Variants in WASF3 observed in about 807,000 individuals in gnomAD.
WASF3 encodes the protein WASP family member 3.
A neutral mutation model predicts 46.6 loss-of-function variants in WASF3; 11 were observed. The observed-to-expected ratio is 0.24, with a 90% CI of 0.15 to 0.39. The LOEUF (loss-of-function observed/expected upper bound fraction) is 0.39. Ranked by LOEUF, WASF3 falls within the 10% of genes least tolerant of loss-of-function variation. The pLI, the probability that WASF3 is intolerant of heterozygous loss-of-function variation, is 1.00. For synonymous variants in WASF3, 242 were observed against 259.7 expected (o/e 0.93, Z 0.65); for missense variants, 576 against 669.8 (o/e 0.86, Z 1.55).
rs77390311 is a variant in WASF3 at position 26,620,124 on chromosome 13, T to C, written c.-11+7066T>C. 4.7e-4 allele frequency among the ~76,000 whole-genome samples: 72 copies of C among 152,298 alleles called. No individual in the cohort carries two copies. In the East Asian group the frequency reaches 0.013, roughly 27 times the overall value. On this transcript the variant is annotated intron_variant, in intron 2 of 9. Coordinates refer to ENST00000335327, the MANE Select transcript of WASF3 (RefSeq NM_006646.6). ...AATCTTTGATTGTAAAATAAAGTTA[T>C]GCTAGATCTCCAAGGTTCCATTTAT... is the stretch of plus-strand genomic sequence containing the variant.
chr13:26,662,158 C>T (rs1882649977), intron 3 of WASF3, among the ~76,000 whole-genome samples: 1 of 152,166 alleles, frequency 6.6e-6, no homozygotes, highest in Admixed American at 6.5e-5. Context: ...CAGATGTTGG[C>T]AATGCTGCAG....
In WASF3 at chr13:26,624,884, T is replaced by G. The variant is rs958562922; in HGVS notation, c.-11+11826T>G. 1.3e-5 allele frequency among the ~76,000 whole-genome samples: 2 copies of G among 152,078 alleles called. 1 individual carries two copies. ...CTCAAATCCTGTCGATGCATAATTC[T>G]ATACCCAGCAAAAATATATTTTTAA... On this transcript the variant is annotated intron_variant, in intron 2 of 9. Transcript: ENST00000335327.
chr13:26,662,824 C>T (rs541242432), intron 3 of WASF3, among the ~76,000 whole-genome samples: 10 of 151,952 alleles, frequency 6.6e-5, no homozygotes, highest in South Asian at 2.1e-4. Context: ...TTTAAAAAAC[C>T]GGGGAAAAAA....
At chr13:26,584,307 A>G (rs980388407) in intron 1 of WASF3, among the ~76,000 whole-genome samples, 4 of 152,238 alleles carry the variant, frequency 2.6e-5, no homozygotes, top group Non-Finnish European at 5.9e-5. Context: ...TGACTGTGGC[A>G]AATGTGAAAG....
At chr13:26,550,799 A>G in the WASF3 span, among the ~76,000 whole-genome samples, 1 of 152,138 alleles carries the variant, frequency 6.6e-6, no homozygotes, top group East Asian at 1.9e-4. Context: ...GAGCCAGGAG[A>G]AACTGATCAG....
chr13:26,545,571 T>C, the WASF3 span, among the ~76,000 whole-genome samples: 1 of 152,220 alleles, frequency 6.6e-6, no homozygotes, highest in African/African-American at 2.4e-5. Context: ...TTAGTCTAAA[T>C]TGTATTTATC....
intron 2 of WASF3, chr13:26,638,234 T>G (rs902815859): frequency 2.6e-5 from 4 of 152,190 alleles, no homozygotes; most frequent in African/African-American, 9.7e-5. Flanking sequence ...TCCATTTCCA[T>G]AGTTGAAGAC....
At chr13:26,627,860 C>T (rs1476584828) in intron 2 of WASF3, among the ~76,000 whole-genome samples, 1 of 148,080 alleles carries the variant, frequency 6.8e-6, no homozygotes, top group East Asian at 2.0e-4. Flanking sequence ...ACAATGTGCA[C>T]ATGTACCCTA....
the WASF3 span, among the ~76,000 whole-genome samples, chr13:26,541,819 C>T: frequency 6.6e-6 from 1 of 152,166 alleles, no homozygotes; most frequent in Admixed American, 6.5e-5. Context: ...ACCTCAAATG[C>T]TACATCCTTC....
Position 26,589,202 on chromosome 13 carries a change from A to G in WASF3, c.-108-23759A>G, listed in dbSNP as rs74040611. On this transcript the variant is annotated intron_variant, in intron 1 of 9. Transcript: ENST00000335327. ...CCTTTCTGTTTTTGTTCAACCAAAT[A>G]GGTAGACTGTGGGGCATTTTGTGAG... is the stretch of plus-strand genomic sequence containing the variant. 6.2e-3 allele frequency among the ~76,000 whole-genome samples: 945 copies of G among 152,326 alleles called. 11 individuals are homozygous for G. The highest frequency in any genetic ancestry group is 0.022 in the African/African-American group (903 of 41,572).
chr13:26,633,566 C>T (rs1215165247), intron 2 of WASF3, among the ~76,000 whole-genome samples: 1 of 152,142 alleles, frequency 6.6e-6, no homozygotes, highest in African/African-American at 2.4e-5. Flanking sequence ...TTCTCTAGTT[C>T]TTTTAATTGT....
intron 1 of WASF3, among the ~76,000 whole-genome samples, chr13:26,588,062 G>C: frequency 6.6e-6 from 1 of 152,150 alleles, no homozygotes; most frequent in East Asian, 1.9e-4. Flanking sequence ...GTTTGGAATT[G>C]GTTGACTCTA....
At chr13:26,554,719 G>C (rs966517113), upstream of WASF3, among the ~76,000 whole-genome samples, 1 of 152,126 alleles carries the variant, frequency 6.6e-6, no homozygotes, top group Non-Finnish European at 1.5e-5. Context: ...TGTATGGCTT[G>C]ATAGCTCATT....
At chr13:26,608,176 C>A (rs1201686966) in intron 1 of WASF3, among the ~76,000 whole-genome samples, 1 of 152,088 alleles carries the variant, frequency 6.6e-6, no homozygotes, top group Non-Finnish European at 1.5e-5. Context: ...AGGTATGGGC[C>A]ACTCATGGAT....
In WASF3 at chr13:26,667,674, T is replaced by C. The variant is rs766895693; in HGVS notation, c.422+4T>C. 5 of 1,612,838 alleles carry C rather than the reference T, an allele frequency of 3.1e-6. No homozygotes were observed. Among genetic ancestry groups the C allele is most frequent in the Admixed American group, 3.3e-5 (2 of 59,806 alleles). The stretch of plus-strand genomic sequence containing the variant: ...TGAACATCCTGACACCATACAGGTA[T>C]AGCTTCATGAGTCCCAGAGCCTCTC... On this transcript the variant is annotated splice_donor_region_variant and intron_variant, in intron 5 of 9. Coordinates refer to ENST00000335327, the MANE Select transcript of WASF3 (RefSeq NM_006646.6).
At chr13:26,676,025 G>A (rs1883058991) in intron 6 of WASF3, among the ~76,000 whole-genome samples, 1 of 152,172 alleles carries the variant, frequency 6.6e-6, no homozygotes. Context: ...TGCTTTTTAT[G>A]AGCAGGTAAG....
chr13:26,564,527 G>A (rs758591886), intron 1 of WASF3, among the ~76,000 whole-genome samples: 11 of 152,166 alleles, frequency 7.2e-5, no homozygotes, highest in Non-Finnish European at 1.6e-4. Context: ...TTATTAGCTT[G>A]CTGCGGCAGT....
intron 2 of WASF3, among the ~76,000 whole-genome samples, chr13:26,630,706 C>G (rs895185136): frequency 2.6e-5 from 4 of 152,062 alleles, no homozygotes; most frequent in Non-Finnish European, 5.9e-5. Context: ...AATGCTATTT[C>G]TAGTTCTAGA....
At chr13:26,608,976 G>T (rs1290403778) in intron 1 of WASF3, among the ~76,000 whole-genome samples, 1 of 152,144 alleles carries the variant, frequency 6.6e-6, no homozygotes, top group African/African-American at 2.4e-5. Flanking sequence ...AGGAGGTAAG[G>T]CTGGAAAAAT....
Sources: gnomAD v4.1 joint callset for allele counts (sites outside exome capture counted in the v4.1 genomes callset) on GRCh38, gnomAD v4.1.1 for gene constraint, MANE v1.5 for transcripts, NCBI Gene and HGNC (gene_info 2026-07-23, HGNC 2026-07-21) for gene names.